The following ABCA2 variants were observed in gnomAD, a reference collection of about 807,000 sequenced individuals.
The protein encoded by ABCA2 is ATP binding cassette subfamily A member 2.
In ABCA2, 84 loss-of-function variants were observed where a neutral mutation model predicts 262.8. The observed-to-expected ratio is 0.32, with a 90% CI of 0.27 to 0.38. The LOEUF (loss-of-function observed/expected upper bound fraction) is 0.38. Ranked by LOEUF, ABCA2 falls within the 10% of genes least tolerant of loss-of-function variation. ABCA2 has a pLI of 1.00. For synonymous variants in ABCA2, 1,696 were observed against 1,502.9 expected, an observed-to-expected ratio of 1.13 and a Z score of -2.97; for missense variants, 2,662 against 3,405.9, an observed-to-expected ratio of 0.78 and a Z score of 5.44.
intron 1 of ABCA2, among the ~76,000 whole-genome samples, chr9:137,026,056 A>G (rs564597780): frequency 2.6e-5 from 4 of 152,236 alleles, no homozygotes; most frequent in African/African-American, 9.6e-5. Flanking sequence ...CGGGGGGAGA[A>G]CAGGTGAGAC....
At chr9:137,013,383 G>GC in intron 29 of ABCA2, 65 bp from the exon 30 acceptor site, 3 of 1,433,524 alleles carry the variant, frequency 2.1e-6, no homozygotes, top group South Asian at 1.3e-5. Context: ...CCGCCCCCTC[G>GC]CCCGCCTGGC....
rs896855992 is a variant in ABCA2, at chr9:137,019,222, G to C, written c.1510C>G (p.Leu504Val). 6.2e-7 allele frequency: 1 copy of C among 1,612,580 alleles called. No homozygotes were observed. Among genetic ancestry groups the C allele is most frequent in the Non-Finnish European group, 8.5e-7 (1 of 1,179,916 alleles). ...TGTTGCTGCAGCCTGCCCTGCTCCA[G>C]GAAGCTGCGGATCTCCGCCGAGATG... ...LNISAEIRSFLEQGRLQQHLR... is the reference protein window; with the variant it reads ...LNISAEIRSFVEQGRLQQHLR... Residue 504 changes from leucine (L) to valine (V), a missense_variant, in exon 11 of 49, where the codon CTG (leucine) becomes GTG (valine). Leu to Val is a conservative substitution (Grantham distance 32). Transcript: ENST00000341511. This position sits in a 1 kb window ranked among gnomAD's most constrained non-coding sequence, Gnocchi z 4.4.
At position 137,016,326 on chromosome 9, in the gene ABCA2, G is replaced by A. The variant is rs1483286191; in HGVS notation, c.3069C>T (p.Phe1023=). ...LNLYENQVVS[F]LGHNGAGKTT... is the part of the protein sequence containing the mutation. ...TCTTGCCCGCCCCGTTGTGGCCCAA[G>A]AAGGAGACCACCTGGTTCTCGTAGA... The change falls in exon 21 of 49, where the codon TTC becomes TTT. Residue 1023 remains phenylalanine, a synonymous_variant. Transcript: ENST00000341511. 2 of 1,612,876 alleles carry A rather than the reference G, an allele frequency of 1.2e-6. No individual in the cohort carries two copies. The highest frequency in any genetic ancestry group is 1.1e-5 in the South Asian group (1 of 91,090).
rs142707412 is a variant in ABCA2, at chr9:137,026,200, C to G, written c.66+1875G>C. Among the ~76,000 whole-genome samples, 3 of 152,334 alleles carry G rather than the reference C, an allele frequency of 2.0e-5. No individual in the cohort carries two copies. The East Asian group carries it at 5.8e-4, about 29-fold the overall frequency. On this transcript the variant is annotated intron_variant, in intron 1 of 48. Coordinates refer to ENST00000341511, the MANE Select transcript of ABCA2 (RefSeq NM_001606.5). ...AGAGGAGATAGGCCACACTCACAGA[C>G]AGGGAAACTGAGGCAAAGAGCTTGG...
chr9:137,008,767 G>T lies in ABCA2; in HGVS notation c.7032C>A (p.Ile2344=). 1.3e-6 allele frequency: 2 copies of T among 1,593,446 alleles called. No individual in the cohort carries two copies. Among genetic ancestry groups the T allele is most frequent in the East Asian group, 2.3e-5 (1 of 44,362 alleles). ...KMEQVSGVLG[I]EDYSVSQTTL... ...TGGTCTGGCTGACCGAGTAGTCCTC[G>T]ATGCCCAGCACGCCAGACACCTGCT... Residue 2344 remains isoleucine (I), a synonymous_variant, in exon 47 of 49, where the codon ATC becomes ATA. Coordinates refer to ENST00000341511, the MANE Select transcript of ABCA2 (RefSeq NM_001606.5).
In ABCA2 at chr9:137,021,564, G is replaced by A. The variant is rs199537832; in HGVS notation, c.725C>T (p.Pro242Leu). Residue 242 changes from proline to leucine, a missense_variant, in exon 8 of 49, where the codon CCG becomes CTG. Around this residue, in one of 12 missense-constraint regions of ABCA2, gnomAD observed 403 missense variants for 375.9 expected, o/e 1.07. Transcript: ENST00000341511. The surrounding 1 kb of genome is among the most constrained non-coding windows in gnomAD (Gnocchi z 6.0). ...GATCCGGCCCAGCTCCCCCGAGCCC[G>A]GCGTGCAGGTGAGCTGCTCCAGGAG... ...PALLEQLTCTPGSGELGRILT... is the reference protein window; with the variant it reads ...PALLEQLTCTLGSGELGRILT... 8.2e-4 allele frequency: 1,299 copies of A among 1,578,434 alleles called. 3 individuals carry two copies. The highest frequency in any genetic ancestry group is 1.9e-3 in the South Asian group (165 of 86,932).
chr9:137,013,261 C>T lies in ABCA2; in HGVS notation c.4608G>A (p.Pro1536=), dbSNP rs770258119. Reference sequence around the variant, plus strand: ...GCACGCAGGTGGCACCCACCCCCGACGGCAGCCGGAACGTGCTCACGAGCT... The same window carrying T: ...GCACGCAGGTGGCACCCACCCCCGATGGCAGCCGGAACGTGCTCACGAGCT... ...PQQLVSTFRL[P]SGVGATCVLK... Residue 1536 remains proline, a synonymous_variant, in exon 30 of 49, where the codon CCG becomes CCA. Transcript: ENST00000341511. 41 of 1,592,618 alleles carry T rather than the reference C, an allele frequency of 2.6e-5. No homozygotes were observed. The East Asian group carries it at 4.3e-4, about 17-fold the overall frequency.
chr9:137,013,645 C>T, intron 28 of ABCA2, 82 bp from the exon 29 acceptor site: 2 of 1,439,346 alleles, frequency 1.4e-6, no homozygotes, highest in Non-Finnish European at 1.9e-6. Context: ...TCCCCCAACC[C>T]CAAGGGATCC....
In ABCA2 at chr9:137,017,611, C is replaced by A. The variant is rs768803828; in HGVS notation, c.2293G>T (p.Val765Leu). The change falls in exon 17 of 49, where the codon GTG becomes TTG. Residue 765 changes from valine to leucine, a missense_variant. By Grantham distance (32) the Val-to-Leu change is conservative. Around this residue, in one of 12 missense-constraint regions of ABCA2, gnomAD observed 188 missense variants for 343.4 expected, o/e 0.55. Coordinates refer to ENST00000341511, the MANE Select transcript of ABCA2 (RefSeq NM_001606.5). ...ITGFVQLSIS[V>L]TALTAILKYG... ...TTCAGGATGGCGGTGAGTGCTGTCA[C>A]GGAGATGGACAGCTGCACAAAGCCG... is the stretch of plus-strand genomic sequence containing the variant. 6.2e-7 allele frequency: 1 copy of A among 1,612,660 alleles called. No individual in the cohort carries two copies. Among genetic ancestry groups the A allele is most frequent in the South Asian group, 1.1e-5 (1 of 91,094 alleles).
intron 47 of ABCA2, 29 bp downstream of exon 47, chr9:137,008,702 G>T: frequency 1.3e-6 from 2 of 1,566,756 alleles, no homozygotes. Flanking sequence ...AGGGGCAGGT[G>T]TGGTGCGCAG....
Position 137,011,356 on chromosome 9 carries a change from G to A in ABCA2, c.5800-47C>T, listed in dbSNP as rs1389288522. ...GGGCACAGGGGTGGCCGGGGTGAGGGGCACAGCCTCCGCAGGGTCCGCCAC... is the reference window on the plus strand; with the variant it reads ...GGGCACAGGGGTGGCCGGGGTGAGGAGCACAGCCTCCGCAGGGTCCGCCAC... On this transcript the variant is annotated intron_variant, in intron 37 of 48. Coordinates refer to ENST00000341511, the MANE Select transcript of ABCA2 (RefSeq NM_001606.5). This position sits in a 1 kb window ranked among gnomAD's most constrained non-coding sequence, Gnocchi z 8.8. 3 of 1,605,480 alleles carry A rather than the reference G, an allele frequency of 1.9e-6. No homozygotes were observed. Among genetic ancestry groups the A allele is most frequent in the Non-Finnish European group, 2.6e-6 (3 of 1,175,692 alleles).
chr9:137,010,508 C>T, intron 40 of ABCA2, 112 bp downstream of exon 40: 1 of 1,474,150 alleles, frequency 6.8e-7, no homozygotes, highest in South Asian at 1.2e-5. Flanking sequence ...GCAGGCCCCA[C>T]CCCCAGAGCT....
In ABCA2 at chr9:137,007,891, T is replaced by A. The variant is rs548366384; in HGVS notation, c.*38A>T. The A allele has an allele frequency of 6.2e-7, 1 of 1,602,886 alleles. No individual in the cohort carries two copies. The highest frequency in any genetic ancestry group is 1.3e-5 in the African/African-American group (1 of 74,788). ...GAGTCCCTGGCCCAGCTCTGGGTGGTCAGTGGAGCGTGTCCTCCCTGGCCC... is the reference window on the plus strand; with the variant it reads ...GAGTCCCTGGCCCAGCTCTGGGTGGACAGTGGAGCGTGTCCTCCCTGGCCC... On this transcript the variant is annotated 3_prime_UTR_variant, in exon 49 of 49. Transcript: ENST00000341511.
Position 137,010,939 on chromosome 9 carries a change from GCCCCGCCCCCGCCCCA to G in ABCA2, c.6056+18_6056+33del, listed in dbSNP as rs2131432121. 6.9e-5 allele frequency: 22 copies of G among 316,636 alleles called. No homozygotes were observed. Among genetic ancestry groups the G allele is most frequent in the South Asian group, 2.8e-4 (11 of 39,940 alleles). 19.6% of individuals were successfully genotyped at this position (316,636 alleles called of 1,614,324 possible). A position where few individuals can be genotyped will look rare whatever the true frequency, so the allele number is the denominator to read the frequency against. On this transcript the variant is annotated intron_variant, in intron 39 of 48. Transcript: ENST00000341511. ...CACCCCCGAACCCATCCCTGCTCCC[GCCCCGCCCCCGCCCCA>G]CCCCGCCCCCCACTCACTGTGGCCG...
Position 137,013,172 on chromosome 9 carries a change from A to C in ABCA2, c.4697T>G (p.Leu1566Arg), listed in dbSNP as rs1259765339. The C allele has an allele frequency of 6.2e-7, 1 of 1,601,034 alleles. No homozygotes were observed. The highest frequency in any genetic ancestry group is 1.1e-5 in the South Asian group (1 of 89,530). ...TLNLSSGESR[L>R]LAARFFDSMC... ...GCTGTCGAAGAACCGAGCCGCCAGC[A>C]GGCGCGACTCCCCGCTGCTCAGGTT... is the stretch of plus-strand genomic sequence containing the variant. The change falls in exon 30 of 49, where the codon CTG (leucine) becomes CGG (arginine). Residue 1566 changes from leucine to arginine, a missense_variant. Physicochemically the swap from Leu to Arg is moderately radical, Grantham distance 102. Coordinates refer to ENST00000341511, the MANE Select transcript of ABCA2 (RefSeq NM_001606.5).
chr9:137,017,444 G>A lies in ABCA2; in HGVS notation c.2402+58C>T, dbSNP rs1831302528. 8 of 1,596,510 alleles carry A rather than the reference G, an allele frequency of 5.0e-6. No homozygotes were observed. The Admixed American group carries it at 5.0e-5, about 10-fold the overall frequency. On this transcript the variant is annotated intron_variant, in intron 17 of 48. Transcript: ENST00000341511. ...TCCAGGGGGCTCTGAGAGGATGTGG[G>A]GTGAGCTTGCTGGGCAAGTGCCTGC...
Position 137,020,834 on chromosome 9 carries a change from T to C in ABCA2, c.1125A>G (p.Ala375=), listed in dbSNP as rs1024448833. Residue 375 remains alanine (A), a synonymous_variant, in exon 9 of 49, where the codon GCA becomes GCG. Coordinates refer to ENST00000341511, the MANE Select transcript of ABCA2 (RefSeq NM_001606.5). ...GGAANGTGAG[A]VMGPNATAEE... ...CAGCGGTGGCGTTGGGGCCCATGAC[T>C]GCCCCTGCCCCAGTGCCATTGGCCG... The C allele has an allele frequency of 1.3e-6, 2 of 1,549,246 alleles. No homozygotes were observed. The highest frequency in any genetic ancestry group is 3.9e-5 in the Admixed American group (2 of 50,852).
At position 137,013,124 on chromosome 9, in the gene ABCA2, T is replaced by C. The variant is rs762549467; in HGVS notation, c.4745A>G (p.Gln1582Arg). Residue 1582 changes from glutamine to arginine, a missense_variant, in exon 30 of 49, where the codon CAG (glutamine) becomes CGG (arginine). By Grantham distance (43) the Gln-to-Arg change is conservative (BLOSUM62 1). Transcript: ENST00000341511. ...FDSMCLESFT[Q>R]GLPLSNFVPP... is the part of the protein sequence containing the mutation. The stretch of plus-strand genomic sequence containing the variant: ...CACGAAATTGGACAGTGGCAGCCCC[T>C]GTGTGAAGGACTCCAGACACATGCT... The C allele has an allele frequency of 5.6e-6, 9 of 1,595,908 alleles. No homozygotes were observed. The highest frequency in any genetic ancestry group is 1.3e-5 in the African/African-American group (1 of 74,594).
Position 137,014,223 on chromosome 9 carries a change from G to T in ABCA2, c.4185C>A (p.Gly1395=). Residue 1395 remains glycine, a synonymous_variant, in exon 27 of 49, where the codon GGC becomes GGA. Transcript: ENST00000341511. ...GGTTATCAAAGAGGGGGCGGTAGTC[G>T]CCATAGACGTCGGTGTAGCCAGCTC... ...DEGAGYTDVY[G]DYRPLFDNPQ... is the part of the protein sequence containing the mutation. 1 of 1,609,598 alleles carries T rather than the reference G, an allele frequency of 6.2e-7. No homozygotes were observed.
Sources: allele counts gnomAD v4.1 joint callset (sites outside exome capture counted in the v4.1 genomes callset), GRCh38; gene constraint gnomAD v4.1.1; regional missense constraint gnomAD v4.1.1; non-coding constraint Gnocchi (gnomAD v3.1); transcripts MANE v1.5; gene names NCBI Gene and HGNC (gene_info 2026-07-23, HGNC 2026-07-21).